The following CDYL2 variants were observed in gnomAD, a reference collection of about 807,000 sequenced individuals.
CDYL2 encodes chromodomain Y-like protein 2.
A neutral mutation model predicts 49.4 loss-of-function variants in CDYL2; 23 were observed. That is an observed-to-expected ratio of 0.47 (90% CI 0.34 to 0.66). CDYL2 has a LOEUF of 0.66. Among genes scored for constraint, CDYL2 ranks in the 30% least tolerant of loss-of-function variants. The pLI, the probability that CDYL2 is intolerant of heterozygous loss-of-function variation, is 0.01. For synonymous variants in CDYL2, 360 were observed against 268.8 expected (o/e 1.34, Z -3.32); for missense variants, 678 against 656.4 (o/e 1.03, Z -0.36).
rs1407275641 is a variant in CDYL2, at chr16:80,608,125, C to A, written c.1329G>T (p.Leu443=). The A allele has an allele frequency of 1.9e-6, 3 of 1,603,458 alleles. No homozygotes were observed. The highest frequency in any genetic ancestry group is 2.6e-6 in the Non-Finnish European group (3 of 1,175,072). The change falls in exon 6 of 7, where the codon CTG becomes CTT. Residue 443 remains leucine (L), a synonymous_variant. Coordinates refer to ENST00000570137, the MANE Select transcript of CDYL2 (RefSeq NM_152342.4). Reference sequence around the variant, plus strand: ...TGCAGGATGCCATCTCCTTGACCCGCAGCATGACCTCCTGGCTGAACGTGG... The same window carrying A: ...TGCAGGATGCCATCTCCTTGACCCGAAGCATGACCTCCTGGCTGAACGTGG... ...WPTTFSQEVM[L]RVKEMASCSA...
At chr16:80,645,577 C>A (rs1489882598) in intron 2 of CDYL2, among the ~76,000 whole-genome samples, 1 of 152,098 alleles carries the variant, frequency 6.6e-6, no homozygotes, top group African/African-American at 2.4e-5. Flanking sequence ...GACAGTGTGG[C>A]GATTCCTCAA....
At chr16:80,615,699 A>G (rs142685152) in intron 4 of CDYL2, among the ~76,000 whole-genome samples, 1 of 152,160 alleles carries the variant, frequency 6.6e-6, no homozygotes, top group Non-Finnish European at 1.5e-5. Context: ...TGTGTTTTCC[A>G]ACCTGAGATC....
intron 1 of CDYL2, among the ~76,000 whole-genome samples, chr16:80,712,215 A>ATATATATATATATATATATC (rs763194077): frequency 1.5e-3 from 194 of 128,330 alleles, no homozygotes; most frequent in Non-Finnish European, 2.4e-3. Context: ...ATATATATAT[A>ATATATATATATATATATATC]TCTCCAAACC....
chr16:80,779,678 G>C (rs1324215703), intron 1 of CDYL2, among the ~76,000 whole-genome samples: 1 of 151,946 alleles, frequency 6.6e-6, no homozygotes, highest in Non-Finnish European at 1.5e-5. Flanking sequence ...TTATGTTATA[G>C]AACACTATTA....
At chr16:80,697,431 A>G (rs1055804586) in intron 1 of CDYL2, among the ~76,000 whole-genome samples, 1 of 152,196 alleles carries the variant, frequency 6.6e-6, no homozygotes, top group East Asian at 1.9e-4. Flanking sequence ...TCAACATTAT[A>G]AAGGCCATAT....
chr16:80,648,069 T>G (rs1185665501), intron 2 of CDYL2, among the ~76,000 whole-genome samples: 2 of 150,786 alleles, frequency 1.3e-5, no homozygotes, highest in African/African-American at 2.4e-5. Context: ...AAGAAAAACT[T>G]CAAATAAACA....
chr16:80,620,179 C>G (rs1020365849), intron 4 of CDYL2, among the ~76,000 whole-genome samples: 1 of 152,250 alleles, frequency 6.6e-6, no homozygotes, highest in African/African-American at 2.4e-5. Flanking sequence ...AATAACTACC[C>G]TTCAGTGTCC....
chr16:80,759,777 A>G (rs1448494341), intron 1 of CDYL2, among the ~76,000 whole-genome samples: 1 of 152,210 alleles, frequency 6.6e-6, no homozygotes, highest in Non-Finnish European at 1.5e-5. Context: ...CAATTGCACA[A>G]ACCACTTCAA....
chr16:80,683,548 A>T (rs1910053027), intron 2 of CDYL2, among the ~76,000 whole-genome samples: 2 of 146,560 alleles, frequency 1.4e-5, no homozygotes, highest in Admixed American at 1.4e-4. Context: ...GTGTTAGAGT[A>T]AGAGGCTGCC....
At chr16:80,733,170 T>C (rs1905392420) in intron 1 of CDYL2, among the ~76,000 whole-genome samples, 1 of 152,104 alleles carries the variant, frequency 6.6e-6, no homozygotes, top group Non-Finnish European at 1.5e-5. Context: ...GGGAGAAGTA[T>C]AGAGTTAGGA....
intron 1 of CDYL2, among the ~76,000 whole-genome samples, chr16:80,724,205 AGAG>A (rs1255242727): frequency 6.8e-6 from 1 of 146,630 alleles, no homozygotes; most frequent in Non-Finnish European, 1.5e-5. Context: ...AGGGGAAGGA[AGAG>A]GAGAAGAAAG....
intron 2 of CDYL2, among the ~76,000 whole-genome samples, chr16:80,664,771 G>A (rs1018713969): frequency 1.3e-5 from 2 of 152,108 alleles, no homozygotes; most frequent in Non-Finnish European, 2.9e-5. Flanking sequence ...GCCACCTACT[G>A]ACTAATAGAC....
chr16:80,685,688 G>A (rs1458420334), intron 1 of CDYL2, among the ~76,000 whole-genome samples: 1 of 152,048 alleles, frequency 6.6e-6, no homozygotes, highest in African/African-American at 2.4e-5. Context: ...ATTTTCTCGT[G>A]GACAAAAACT....
chr16:80,743,264 A>T lies in CDYL2; in HGVS notation c.25-58135T>A, dbSNP rs1027041116. The stretch of plus-strand genomic sequence containing the variant: ...CTTCTGCTCCCAGAAGTAAAACCTT[A>T]AATGGTAAGCGCAGACATTGTGAGG... On this transcript the variant is annotated intron_variant, in intron 1 of 6. Coordinates refer to ENST00000570137, the MANE Select transcript of CDYL2 (RefSeq NM_152342.4). Among the ~76,000 whole-genome samples, 5 of 152,256 alleles carry T rather than the reference A, an allele frequency of 3.3e-5. No homozygotes were observed. In the East Asian group the frequency reaches 9.6e-4, roughly 29 times the overall value.
chr16:80,637,730 T>C (rs1907903549), intron 2 of CDYL2, among the ~76,000 whole-genome samples: 1 of 152,128 alleles, frequency 6.6e-6, no homozygotes, highest in Non-Finnish European at 1.5e-5. Flanking sequence ...ATTGTATATT[T>C]CAAAGTAGCT....
At chr16:80,684,001 A>C (rs1289118170) in intron 2 of CDYL2, among the ~76,000 whole-genome samples, 1 of 152,270 alleles carries the variant, frequency 6.6e-6, no homozygotes, top group African/African-American at 2.4e-5. Flanking sequence ...ACCTAGAGAT[A>C]GCAGAAGGAC....
chr16:80,768,764 C>G (rs1275110423), intron 1 of CDYL2, among the ~76,000 whole-genome samples: 1 of 152,214 alleles, frequency 6.6e-6, no homozygotes, highest in Non-Finnish European at 1.5e-5. Flanking sequence ...CGCCTGGGTT[C>G]AGATCCTGCC....
intron 1 of CDYL2, among the ~76,000 whole-genome samples, chr16:80,735,355 T>G (rs1451971811): frequency 6.6e-6 from 1 of 152,180 alleles, no homozygotes; most frequent in African/African-American, 2.4e-5. Context: ...ACAGTCTGAG[T>G]GACATCCTTA....
At chr16:80,804,882 C>A (rs1441994634), upstream of CDYL2, among the ~76,000 whole-genome samples, 1 of 151,936 alleles carries the variant, frequency 6.6e-6, no homozygotes, top group Non-Finnish European at 1.5e-5. Context: ...CGAGCCCCGC[C>A]GGCCCGGGGT....
Sources: allele counts gnomAD v4.1 joint callset (sites outside exome capture counted in the v4.1 genomes callset), GRCh38; gene constraint gnomAD v4.1.1; transcripts MANE v1.5; gene names NCBI Gene and HGNC (gene_info 2026-07-23, HGNC 2026-07-21).